Variants in CASP1 observed in about 807,000 individuals in gnomAD.
The protein encoded by CASP1 is caspase 1, also known as caspase-1.
CASP1 carries 31 observed loss-of-function variants against 41.2 expected under a neutral mutation model. The observed-to-expected ratio is 0.75, with a 90% CI of 0.57 to 1.02. The LOEUF is 1.02. Among genes scored for constraint, CASP1 ranks in the 50% least tolerant of loss-of-function variants. The pLI, the probability that CASP1 is intolerant of heterozygous loss-of-function variation, is 0.00. For missense variants in CASP1, 490 were observed against 495.7 expected (o/e 0.99, Z 0.11); for synonymous variants, 163 against 166.5 (o/e 0.98, Z 0.16).
intron 2 of CASP1, chr11:105,033,874 C>T: frequency 1.6e-6 from 1 of 631,084 alleles, no homozygotes. Flanking sequence ...TTGCACTCAG[C>T]AAAAATAAAT....
At chr11:105,028,421 A>G (rs1169764378) in intron 7 of CASP1, among the ~76,000 whole-genome samples, 1 of 152,134 alleles carries the variant, frequency 6.6e-6, no homozygotes, top group Admixed American at 6.6e-5. Flanking sequence ...TAAGTTATCA[A>G]ATATATACAT....
intron 3 of CASP1, among the ~76,000 whole-genome samples, chr11:105,032,607 C>T (rs1187278491): frequency 6.2e-4 from 95 of 152,038 alleles, no homozygotes; most frequent in Admixed American, 6.2e-3. Context: ...TAAAACTTGG[C>T]CATGGGTTGA....
chr11:105,026,520 T>G (rs1258071539), intron 8 of CASP1, 164 bp from the exon 9 acceptor site: 3 of 607,560 alleles, frequency 4.9e-6, no homozygotes, highest in Non-Finnish European at 8.8e-6. Context: ...TATGTAAGCA[T>G]TGAATGACCC....
At chr11:105,027,174 A>G in intron 7 of CASP1, 2 of 616,012 alleles carry the variant, frequency 3.2e-6, no homozygotes, top group Non-Finnish European at 5.8e-6. Flanking sequence ...TAAGTTAATT[A>G]TGCATTCTGA....
chr11:105,030,803 GT>G (rs56014168), intron 4 of CASP1: 17,220 of 375,604 alleles, frequency 0.046, 518 homozygotes, highest in Non-Finnish European at 0.059. Context: ...ATTTCTGATT[GT>G]TTTTCTTTGG....
chr11:105,029,192 A>C lies in CASP1; in HGVS notation c.938T>G (p.Phe313Cys), dbSNP rs1002772836. Residue 313 changes from phenylalanine to cysteine, a missense_variant, in exon 7 of 9, where the codon TTT becomes TGT. Coordinates refer to ENST00000533400, the MANE Select transcript of CASP1 (RefSeq NM_001257118.3). Reference sequence around the variant, plus strand: ...GGCTTTCTTAATAGCATCATCCTCAAACTCTTCTGTAGTTGGTAAAGATAG... The same window carrying C: ...GGCTTTCTTAATAGCATCATCCTCACACTCTTCTGTAGTTGGTAAAGATAG... ...GNLSLPTTEE[F>C]EDDAIKKAHI... 1.9e-6 allele frequency: 3 copies of C among 1,613,138 alleles called. No homozygotes were observed. The highest frequency in any genetic ancestry group is 2.5e-6 in the Non-Finnish European group (3 of 1,179,502).
intron 2 of CASP1, chr11:105,033,932 T>C (rs551840769): frequency 4.1e-6 from 3 of 738,222 alleles, no homozygotes; most frequent in South Asian, 2.7e-5. Flanking sequence ...AAACACAGCA[T>C]GAAGCTTTTC....
At chr11:105,034,498 C>T in intron 1 of CASP1, 24 bp from the exon 2 acceptor site, 1 of 1,612,570 alleles carries the variant, frequency 6.2e-7, no homozygotes. Context: ...AAGGATTTCT[C>T]ACATCATGAA....
rs1863332905 is a variant in CASP1 at position 105,026,899 on chromosome 11, G to T, written c.1059C>A (p.Leu353=). 6.2e-7 allele frequency: 1 copy of T among 1,611,446 alleles called. No homozygotes were observed. The highest frequency in any genetic ancestry group is 8.5e-7 in the Non-Finnish European group (1 of 1,177,788). ...PTMGSVFIGR[L]IEHMQEYACS... is the part of the protein sequence containing the mutation. The stretch of plus-strand genomic sequence containing the variant: ...AGGCATATTCTTGCATATGTTCAAT[G>T]AGTCTTCCAATAAAAACAGAGCCCA... The change falls in exon 8 of 9, where the codon CTC becomes CTA. Residue 353 remains leucine (L), a synonymous_variant. Coordinates refer to ENST00000533400, the MANE Select transcript of CASP1 (RefSeq NM_001257118.3).
At chr11:105,032,340 T>G (rs1863749796) in intron 3 of CASP1, among the ~76,000 whole-genome samples, 1 of 152,154 alleles carries the variant, frequency 6.6e-6, no homozygotes, top group Non-Finnish European at 1.5e-5. Flanking sequence ...TTTGAGCTAT[T>G]TTTTCATAGT....
rs1487112280 is a variant in CASP1, at chr11:105,031,194, G to A, written c.424C>T (p.Gln142Ter). Reference protein sequence around the residue: ...NVKLCSLEEAQRIWKQKSAEI... With the variant: ...NVKLCSLEEA ...GCCGACTTTTGTTTCCATATCCTTTGAGCTTCTTCTAGGGAGCAAAGCTTG... is the reference window on the plus strand; with the variant it reads ...GCCGACTTTTGTTTCCATATCCTTTAAGCTTCTTCTAGGGAGCAAAGCTTG... The change falls in exon 4 of 9, where the codon CAA (glutamine) becomes TAA (stop). Residue 142 changes from glutamine to a stop codon, truncating the protein, a stop_gained. Transcript: ENST00000533400. LOFTEE classifies it high-confidence loss of function. 1.9e-6 allele frequency: 3 copies of A among 1,612,098 alleles called. No homozygotes were observed. The highest frequency in any genetic ancestry group is 2.5e-6 in the Non-Finnish European group (3 of 1,178,654).
At chr11:105,033,323 C>T (rs747343619) in intron 2 of CASP1, among the ~76,000 whole-genome samples, 197 bp from the exon 3 acceptor site, 1 of 152,196 alleles carries the variant, frequency 6.6e-6, no homozygotes, top group Non-Finnish European at 1.5e-5. Context: ...TAGAAAAATA[C>T]GTGTTTATTA....
chr11:105,026,400 T>A (rs1192230520), intron 8 of CASP1, 44 bp from the exon 9 acceptor site: 2 of 1,315,284 alleles, frequency 1.5e-6, no homozygotes, highest in African/African-American at 3.0e-5. Context: ...TTTGCTGAGT[T>A]TTTTTTTTCA....
chr11:105,026,379 T>C (rs1381953619), intron 8 of CASP1, 23 bp from the exon 9 acceptor site: 1 of 1,502,584 alleles, frequency 6.7e-7, no homozygotes, highest in Non-Finnish European at 9.1e-7. Context: ...GGAAAGTCTG[T>C]AGCCCTTTTT....
chr11:105,029,307 C>T, intron 6 of CASP1, 40 bp from the exon 7 acceptor site: 1 of 1,577,232 alleles, frequency 6.3e-7, no homozygotes, highest in Non-Finnish European at 8.6e-7. Context: ...CTACCAATGG[C>T]TGAGAAGATG....
intron 2 of CASP1, 149 bp downstream of exon 2, chr11:105,034,059 A>ACATG: frequency 8.0e-7 from 1 of 1,251,564 alleles, no homozygotes; most frequent in Non-Finnish European, 1.2e-6. Context: ...GAGTCAAGGG[A>ACATG]CATGCAATAG....
rs772809418 is a variant in CASP1 at position 105,026,231 on chromosome 11, C to G, written c.*27G>C. ...TCCCGACCATACACATGTACCTGCC[C>G]ACAGACATTCATACAGTTTCCTTAT... On this transcript the variant is annotated 3_prime_UTR_variant, in exon 9 of 9. Coordinates refer to ENST00000533400, the MANE Select transcript of CASP1 (RefSeq NM_001257118.3). 12 of 1,428,376 alleles carry G rather than the reference C, an allele frequency of 8.4e-6. No individual in the cohort carries two copies. The highest frequency in any genetic ancestry group is 1.1e-5 in the Non-Finnish European group (11 of 1,011,812). 88.5% of individuals were successfully genotyped at this position (1,428,376 alleles called of 1,614,324 possible).
Position 105,025,698 on chromosome 11 carries a change from A to G in CASP1, c.*560T>C. 1 of 337,794 alleles carries G rather than the reference A, an allele frequency of 3.0e-6. No individual in the cohort carries two copies. The highest frequency in any genetic ancestry group is 5.7e-6 in the Non-Finnish European group (1 of 174,944). 20.9% of individuals were successfully genotyped at this position (337,794 alleles called of 1,614,324 possible). A position where few individuals can be genotyped will look rare whatever the true frequency, so the allele number is the denominator to read the frequency against. ...TTATACCACCAATGGGAACATACAC[A>G]ATTTTAAAAGGAAAGACCACATGCT... On this transcript the variant is annotated 3_prime_UTR_variant, in exon 9 of 9. Coordinates refer to ENST00000533400, the MANE Select transcript of CASP1 (RefSeq NM_001257118.3).
rs763505053 is a variant in CASP1 at position 105,031,171 on chromosome 11, C to A, written c.447G>T (p.Ser149=). 1 of 1,601,138 alleles carries A rather than the reference C, an allele frequency of 6.2e-7. No homozygotes were observed. Among genetic ancestry groups the A allele is most frequent in the Admixed American group, 1.7e-5 (1 of 59,854 alleles). ...EEAQRIWKQK[S]AEIYPIMDKS... Reference sequence around the variant, plus strand: ...TGGGTTCTGAGCATGGCACCTCTGCCGACTTTTGTTTCCATATCCTTTGAG... The same window carrying A: ...TGGGTTCTGAGCATGGCACCTCTGCAGACTTTTGTTTCCATATCCTTTGAG... Residue 149 remains serine, a synonymous_variant, in exon 4 of 9, where the codon TCG becomes TCT. Transcript: ENST00000533400.
Sources: allele counts gnomAD v4.1 joint callset (sites outside exome capture counted in the v4.1 genomes callset), GRCh38; gene constraint gnomAD v4.1.1; transcripts MANE v1.5; gene names NCBI Gene and HGNC (gene_info 2026-07-23, HGNC 2026-07-21).